The following ATL2 variants were observed in gnomAD, a reference collection of about 807,000 sequenced individuals.
ATL2 encodes atlastin-2.
In ATL2, 31 loss-of-function variants were observed where a neutral mutation model predicts 73.9. The ratio of observed to expected loss-of-function variants is 0.42; its 90% CI spans 0.32 to 0.57. ATL2 has a LOEUF of 0.57. Among genes scored for constraint, ATL2 ranks in the 20% least tolerant of loss-of-function variants. The pLI is 0.14. For missense variants in ATL2, 738 were observed against 702.6 expected (o/e 1.05, Z -0.57); for synonymous variants, 291 against 237.5 (o/e 1.23, Z -2.07).
At chr2:38,311,770 C>T (rs769051256) in intron 7 of ATL2, among the ~76,000 whole-genome samples, 2 of 152,122 alleles carry the variant, frequency 1.3e-5, no homozygotes, top group South Asian at 4.1e-4. Context: ...AAGCTACACA[C>T]TTATGATTTG....
chr2:38,354,682 G>C (rs1053922011), intron 1 of ATL2, among the ~76,000 whole-genome samples: 5 of 152,128 alleles, frequency 3.3e-5, no homozygotes, highest in African/African-American at 9.7e-5. Flanking sequence ...CTGAGGTTGA[G>C]AGTTCGAGAC....
chr2:38,366,354 C>T (rs999745438), intron 1 of ATL2, among the ~76,000 whole-genome samples: 1 of 152,156 alleles, frequency 6.6e-6, no homozygotes, highest in Non-Finnish European at 1.5e-5. Flanking sequence ...GAAAATAGCC[C>T]CATTCCTTTT....
intron 2 of ATL2, among the ~76,000 whole-genome samples, chr2:38,341,826 T>G (rs1247924279): frequency 6.6e-6 from 1 of 152,166 alleles, no homozygotes; most frequent in Non-Finnish European, 1.5e-5. Context: ...CAAATGAGAA[T>G]GTTTACCTTA....
At chr2:38,331,966 T>G (rs1261520863) in intron 2 of ATL2, among the ~76,000 whole-genome samples, 1 of 152,128 alleles carries the variant, frequency 6.6e-6, no homozygotes, top group Admixed American at 6.5e-5. Flanking sequence ...GTGTGGTATA[T>G]CCACACAAGA....
chr2:38,350,704 G>A (rs1295453188), intron 1 of ATL2, among the ~76,000 whole-genome samples: 1 of 152,078 alleles, frequency 6.6e-6, no homozygotes, highest in East Asian at 1.9e-4. Flanking sequence ...TATATGGAGT[G>A]GCAGGGAGTA....
rs146273204 is a variant in ATL2, at chr2:38,377,224, G to C, written c.37C>G (p.Pro13Ala). The C allele has an allele frequency of 2.4e-5, 38 of 1,605,960 alleles. 1 individual carries two copies. Among genetic ancestry groups the C allele is most frequent in the East Asian group, 6.7e-5 (3 of 44,610 alleles). ...CGCCGGCGCCACAGCCCCTGGTGCGGTTGCTGCCCTCGCGCTGCCTCGTCC... is the reference window on the plus strand; with the variant it reads ...CGCCGGCGCCACAGCCCCTGGTGCGCTTGCTGCCCTCGCGCTGCCTCGTCC... ...EGDEAARGQQ[P>A]HQGLWRRRRT... Residue 13 changes from proline (P) to alanine (A), a missense_variant, in exon 1 of 13, where the codon CCG becomes GCG. Pro to Ala is a conservative substitution (Grantham distance 27). Coordinates refer to ENST00000378954, the MANE Select transcript of ATL2 (RefSeq NM_001135673.4).
chr2:38,294,208 A>G lies in ATL2; in HGVS notation c.*1786T>C, dbSNP rs180999599. Among the ~76,000 whole-genome samples the G allele has an allele frequency of 2.2e-3, 342 of 152,354 alleles. No homozygotes were observed. Among genetic ancestry groups the G allele is most frequent in the African/African-American group, 7.9e-3 (330 of 41,596 alleles). ...AAGATGTATCAACCAAAGTAAATTC[A>G]GAGTTTTCACACATGCAACTCAACA... On this transcript the variant is annotated 3_prime_UTR_variant, in exon 13 of 13. Coordinates refer to ENST00000378954, the MANE Select transcript of ATL2 (RefSeq NM_001135673.4).
intron 2 of ATL2, among the ~76,000 whole-genome samples, chr2:38,322,835 T>C (rs1009154031): frequency 2.0e-5 from 3 of 152,134 alleles, no homozygotes; most frequent in Non-Finnish European, 4.4e-5. Context: ...GCTATGATGA[T>C]GCCACCACAC....
At chr2:38,344,200 ATAAAC>A (rs200946391) in intron 1 of ATL2, among the ~76,000 whole-genome samples, 16,268 of 152,102 alleles carry the variant, frequency 0.11, 2,843 homozygotes, top group African/African-American at 0.37. Flanking sequence ...GTATGCACAC[ATAAAC>A]TAAAGAGGGG....
intron 2 of ATL2, among the ~76,000 whole-genome samples, chr2:38,334,852 A>T (rs1466270677): frequency 3.8e-5 from 2 of 52,338 alleles, no homozygotes; most frequent in African/African-American, 8.2e-5. Flanking sequence ...ATTTATATTC[A>T]ATATTTATAT....
At chr2:38,321,485 C>T (rs184925531) in intron 2 of ATL2, among the ~76,000 whole-genome samples, 86 of 152,248 alleles carry the variant, frequency 5.6e-4, no homozygotes, top group African/African-American at 1.9e-3. Flanking sequence ...TTTTGACACT[C>T]CCCGGACAAG....
chr2:38,310,592 A>T (rs1573449230), intron 7 of ATL2, 145 bp from the exon 8 acceptor site: 3 of 439,122 alleles, frequency 6.8e-6, no homozygotes, highest in Non-Finnish European at 7.5e-6. Flanking sequence ...ACAAAAAATT[A>T]TGAAGGCCCA....
intron 2 of ATL2, among the ~76,000 whole-genome samples, chr2:38,335,814 G>C (rs1353671586): frequency 6.6e-6 from 1 of 152,210 alleles, no homozygotes; most frequent in African/African-American, 2.4e-5. Context: ...GGCTGACACA[G>C]GCAGACAATG....
intron 1 of ATL2, among the ~76,000 whole-genome samples, chr2:38,344,773 G>C (rs1056927743): frequency 1.3e-5 from 2 of 152,080 alleles, no homozygotes; most frequent in African/African-American, 2.4e-5. Context: ...GCAAAGCACA[G>C]GATTAATGTT....
chr2:38,324,314 C>A (rs999837173), intron 2 of ATL2, among the ~76,000 whole-genome samples: 1 of 152,104 alleles, frequency 6.6e-6, no homozygotes, highest in Admixed American at 6.5e-5. Context: ...CAATAATAAG[C>A]GAGATCCTCC....
At chr2:38,342,315 G>T (rs1400027069) in intron 2 of ATL2, among the ~76,000 whole-genome samples, 1 of 151,810 alleles carries the variant, frequency 6.6e-6, no homozygotes, top group Non-Finnish European at 1.5e-5. Flanking sequence ...AGAGATTAAA[G>T]TAGCCAGAAA....
intron 2 of ATL2, among the ~76,000 whole-genome samples, chr2:38,337,517 A>G (rs895781836): frequency 1.4e-5 from 2 of 138,262 alleles, no homozygotes; most frequent in African/African-American, 5.6e-5. Context: ...AAAAAAAAAA[A>G]GGCAGTTGAG....
At chr2:38,343,181 TATAGTTCTG>T in intron 2 of ATL2, 78 bp downstream of exon 2, 1 of 678,696 alleles carries the variant, frequency 1.5e-6, no homozygotes, top group Non-Finnish European at 2.1e-6. Context: ...AAAAAAAAGA[TATAGTTCTG>T]GTTTTTGTCT....
chr2:38,299,214 ATCT>A (rs2148401385), intron 11 of ATL2, 39 bp downstream of exon 11: 3 of 1,463,946 alleles, frequency 2.0e-6, no homozygotes, highest in East Asian at 2.6e-5. Flanking sequence ...TAATTTAAAA[ATCT>A]TCTCACTCCA....
Sources: allele counts gnomAD v4.1 joint callset (sites outside exome capture counted in the v4.1 genomes callset), GRCh38; gene constraint gnomAD v4.1.1; transcripts MANE v1.5; gene names NCBI Gene and HGNC (gene_info 2026-07-23, HGNC 2026-07-21).